Variants in HIP1 observed in about 807,000 individuals in gnomAD.
The protein encoded by HIP1 is huntingtin interacting protein 1.
Under a neutral mutation model 147.6 loss-of-function variants are expected in HIP1, and 65 were observed. That is an observed-to-expected ratio of 0.44 (90% CI 0.36 to 0.54). The LOEUF is 0.54. HIP1 is among the 20% of genes least tolerant of loss of function. HIP1 has a pLI of 0.00. For synonymous variants in HIP1, 479 were observed against 504.0 expected (o/e 0.95, Z 0.67); for missense variants, 1,061 against 1,299.6 (o/e 0.82, Z 2.82).
chr7:75,570,813 C>A (rs1795601266), intron 8 of HIP1, among the ~76,000 whole-genome samples: 1 of 151,794 alleles, frequency 6.6e-6, no homozygotes. Context: ...TCGAGACAAG[C>A]CTGGCCAACA....
chr7:75,618,216 C>T (rs968769739), intron 1 of HIP1, among the ~76,000 whole-genome samples: 1 of 151,520 alleles, frequency 6.6e-6, no homozygotes. Context: ...AGTGTGATCT[C>T]GGCTCACTGC....
chr7:75,552,500 A>G (rs1326148591), intron 22 of HIP1, among the ~76,000 whole-genome samples: 3 of 149,248 alleles, frequency 2.0e-5, no homozygotes, highest in Admixed American at 6.7e-5. Flanking sequence ...CAGGTGCGTG[A>G]CATCACACCT....
intron 6 of HIP1, 81 bp from the exon 7 acceptor site, chr7:75,581,379 T>C (rs1442330824): frequency 1.0e-6 from 1 of 972,878 alleles, no homozygotes; most frequent in Non-Finnish European, 1.6e-6. Context: ...CGCTCTACGC[T>C]ACTCCAGTCT....
chr7:75,595,257 TTC>T lies in HIP1; in HGVS notation c.185-2745_185-2744del, dbSNP rs1563230444. ...CTTTCTTTCTTTCTTTCTTTCTTCC[TTC>T]CTTCCTTCCTTCCTTCCTTCCTTCC... On this transcript the variant is annotated intron_variant, in intron 2 of 30. Coordinates refer to ENST00000336926, the MANE Select transcript of HIP1 (RefSeq NM_005338.7). 2.3e-3 allele frequency among the ~76,000 whole-genome samples: 278 copies of T among 119,512 alleles called. 1 individual carries two copies. The Middle Eastern group carries it at 0.029, about 12-fold the overall frequency. The allele number at this position is 119,512 out of a possible 152,430, so 78.4% of individuals were successfully genotyped here.
chr7:75,576,668 C>T (rs1196635154), intron 7 of HIP1, among the ~76,000 whole-genome samples: 1 of 152,080 alleles, frequency 6.6e-6, no homozygotes, highest in Non-Finnish European at 1.5e-5. Flanking sequence ...AAGATCCCAC[C>T]ACTGCACTCC....
chr7:75,632,598 A>G (rs1331444621), intron 1 of HIP1, among the ~76,000 whole-genome samples: 72 of 139,610 alleles, frequency 5.2e-4, no homozygotes, highest in Admixed American at 1.4e-3. Flanking sequence ...GGGTCTCACT[A>G]TGTTGCCCAG....
At chr7:75,544,614 C>G (rs1043061275) in intron 27 of HIP1, 81 bp downstream of exon 27, 1 of 845,240 alleles carries the variant, frequency 1.2e-6, no homozygotes, top group Non-Finnish European at 2.0e-6. Context: ...TACTGCCTAA[C>G]GCAGCCAAGT....
chr7:75,726,196 G>A (rs1801645068), intron 1 of HIP1, among the ~76,000 whole-genome samples: 1 of 152,108 alleles, frequency 6.6e-6, no homozygotes, highest in East Asian at 1.9e-4. Flanking sequence ...CTAAATTACT[G>A]AGGATGCCTG....
intron 4 of HIP1, among the ~76,000 whole-genome samples, chr7:75,589,683 CAAAAAAAAAAAAA>C (rs1159535613): frequency 2.5e-3 from 125 of 49,638 alleles, no homozygotes; most frequent in African/African-American, 9.0e-3. Context: ...ACTCTGTCTC[CAAAAAAAAAAAAA>C]AAAAAAAAAA....
Position 75,639,011 on chromosome 7 carries a change from T to A in HIP1, c.121-39764A>T, listed in dbSNP as rs1276135215. On this transcript the variant is annotated intron_variant, in intron 1 of 30. Coordinates refer to ENST00000336926, the MANE Select transcript of HIP1 (RefSeq NM_005338.7). ...AGGGAGGGCGCCAGGGCTGGGGGTG[T>A]GGGGAGGGGGCTCGGGGCAAAGCCC... 7 of 746,234 alleles carry A rather than the reference T, an allele frequency of 9.4e-6. No homozygotes were observed. The East Asian group carries it at 7.6e-4, about 81-fold the overall frequency. 46.2% of individuals were successfully genotyped at this position (746,234 alleles called of 1,614,324 possible).
chr7:75,557,441 T>C (rs1554493625), intron 16 of HIP1, among the ~76,000 whole-genome samples: 1 of 152,214 alleles, frequency 6.6e-6, no homozygotes, highest in African/African-American at 2.4e-5. Context: ...AAAGCCTTTG[T>C]TGATTAACCC....
At position 75,693,919 on chromosome 7, in the gene HIP1, C is replaced by CTT. The variant is rs10628011; in HGVS notation, c.120+44880_120+44881dup. 1.6e-3 allele frequency among the ~76,000 whole-genome samples: 178 copies of CTT among 114,838 alleles called. 13 individuals are homozygous for CTT. The highest frequency in any genetic ancestry group is 5.8e-3 in the African/African-American group (167 of 28,886). 75.3% of individuals were successfully genotyped at this position (114,838 alleles called of 152,430 possible). ...GTTCAGAACTATCCAATTCTCTTTT[C>CTT]TTTTTTTTTTTTTTTTTTGAGATGG... is the stretch of plus-strand genomic sequence containing the variant. On this transcript the variant is annotated intron_variant, in intron 1 of 30. Transcript: ENST00000336926.
Position 75,534,277 on chromosome 7 carries a change from A to G in HIP1, c.*3895T>C, listed in dbSNP as rs1554488150. On this transcript the variant is annotated 3_prime_UTR_variant, in exon 31 of 31. Transcript: ENST00000336926. ...GCTCTAGACAGTGGTTCTTCCAGCC[A>G]CTGGGTTAGAGGGACCCGTATTCTG... 4.4e-6 allele frequency: 1 copy of G among 224,876 alleles called. No homozygotes were observed. Among genetic ancestry groups the G allele is most frequent in the Non-Finnish European group, 8.9e-6 (1 of 112,936 alleles). 13.9% of individuals were successfully genotyped at this position (224,876 alleles called of 1,614,324 possible). A position where few individuals can be genotyped will look rare whatever the true frequency, so the allele number is the denominator to read the frequency against.
At chr7:75,611,040 G>T (rs945081837) in intron 1 of HIP1, among the ~76,000 whole-genome samples, 1 of 150,884 alleles carries the variant, frequency 6.6e-6, no homozygotes, top group Admixed American at 6.6e-5. Context: ...CCAGTAGCTG[G>T]GATTACAGGT....
intron 1 of HIP1, among the ~76,000 whole-genome samples, chr7:75,634,941 GAAAAAAAA>G (rs58461422): frequency 9.6e-4 from 60 of 62,578 alleles, no homozygotes; most frequent in East Asian, 2.3e-3. Flanking sequence ...CACTATCTCT[GAAAAAAAA>G]AAAAAAAAAA....
chr7:75,596,358 G>A (rs1796747042), intron 2 of HIP1, among the ~76,000 whole-genome samples: 1 of 150,890 alleles, frequency 6.6e-6, no homozygotes, highest in African/African-American at 2.4e-5. Context: ...GAGACTCATA[G>A]AATGTTAGGG....
intron 1 of HIP1, among the ~76,000 whole-genome samples, chr7:75,607,606 TAGG>T (rs1797279795): frequency 6.7e-6 from 1 of 149,248 alleles, no homozygotes; most frequent in South Asian, 2.1e-4. Flanking sequence ...GAGGCTGAGA[TAGG>T]AGGATCACAG....
At position 75,568,136 on chromosome 7, in the gene HIP1, A is replaced by G. The variant is rs587672162; in HGVS notation, c.803+63T>C. On this transcript the variant is annotated intron_variant, in intron 9 of 30. Transcript: ENST00000336926. The surrounding 1 kb of genome is among the most constrained non-coding windows in gnomAD (Gnocchi z 4.1). ...CAGCCACCTCTCACAGTGCACTTGCATGGCTTAATGATTTTATAGCGCTCT... is the reference window on the plus strand; with the variant it reads ...CAGCCACCTCTCACAGTGCACTTGCGTGGCTTAATGATTTTATAGCGCTCT... 8 of 1,191,588 alleles carry G rather than the reference A, an allele frequency of 6.7e-6. No individual in the cohort carries two copies. In the East Asian group the frequency reaches 1.6e-4, roughly 24 times the overall value. 73.8% of individuals were successfully genotyped at this position (1,191,588 alleles called of 1,614,324 possible).
intron 1 of HIP1, among the ~76,000 whole-genome samples, chr7:75,728,787 CAAAA>C (rs782634244): frequency 1.6e-5 from 1 of 62,766 alleles, no homozygotes; most frequent in Non-Finnish European, 3.2e-5. Flanking sequence ...GACTCTGTCT[CAAAA>C]AAAAAAAAAA....
Sources: gnomAD v4.1 joint callset for allele counts (sites outside exome capture counted in the v4.1 genomes callset) on GRCh38, gnomAD v4.1.1 for gene constraint, Gnocchi (gnomAD v3.1) non-coding constraint, MANE v1.5 for transcripts, NCBI Gene and HGNC (gene_info 2026-07-23, HGNC 2026-07-21) for gene names.